Variants in RBFOX1 observed in about 807,000 individuals in gnomAD.
RBFOX1 encodes RNA binding protein fox-1 homolog 1.
RBFOX1 carries 8 observed loss-of-function variants against 57.7 expected under a neutral mutation model. The ratio of observed to expected loss-of-function variants is 0.14; its 90% CI spans 0.08 to 0.25. The LOEUF (loss-of-function observed/expected upper bound fraction) is 0.25, where lower values mean the gene tolerates loss of function less well. RBFOX1 is among the 10% of genes least tolerant of loss of function. RBFOX1 has a pLI of 1.00. For synonymous variants in RBFOX1, 326 were observed against 222.4 expected (o/e 1.47, Z -4.15); for missense variants, 611 against 548.5 (o/e 1.11, Z -1.14).
intron 3 of RBFOX1, among the ~76,000 whole-genome samples, chr16:6,966,805 GTCTGTCTGTCTGTCTA>G (rs2084309159): frequency 3.3e-5 from 5 of 149,906 alleles, no homozygotes; most frequent in African/African-American, 1.2e-4. Context: ...CTGTCTGTCT[GTCTGTCTGTCTGTCTA>G]TCTATCTGTC....
chr16:5,557,952 G>T (rs1043440517), intron 2 of RBFOX1, among the ~76,000 whole-genome samples: 1 of 152,206 alleles, frequency 6.6e-6, no homozygotes, highest in African/African-American at 2.4e-5. Context: ...AAAGAGAGAA[G>T]AGTAAGCATG....
At chr16:5,672,497 G>A (rs2050042009) in intron 3 of RBFOX1, among the ~76,000 whole-genome samples, 4 of 152,110 alleles carry the variant, frequency 2.6e-5, no homozygotes, top group Admixed American at 2.6e-4. Context: ...TTAAGGACAA[G>A]CACACCCCTC....
intron 3 of RBFOX1, among the ~76,000 whole-genome samples, chr16:5,799,142 G>A (rs1779611858): frequency 6.6e-6 from 1 of 152,090 alleles, no homozygotes; most frequent in South Asian, 2.1e-4. Context: ...ATCTTACATG[G>A]CAGCAGACAA....
At chr16:7,568,869 A>AGAGC (rs1232660904) in intron 5 of RBFOX1, among the ~76,000 whole-genome samples, 2 of 127,380 alleles carry the variant, frequency 1.6e-5, no homozygotes. Flanking sequence ...CCTGGGTGAT[A>AGAGC]GAGACTCTGT....
intron 3 of RBFOX1, among the ~76,000 whole-genome samples, chr16:6,783,308 C>T (rs1248738259): frequency 2.0e-5 from 3 of 150,232 alleles, no homozygotes; most frequent in Non-Finnish European, 4.4e-5. Flanking sequence ...TTTGTTAGTT[C>T]TCTCTTCCTT....
intron 2 of RBFOX1, among the ~76,000 whole-genome samples, chr16:6,494,095 C>T (rs886331762): frequency 6.6e-6 from 1 of 152,154 alleles, no homozygotes; most frequent in Non-Finnish European, 1.5e-5. Flanking sequence ...GTAGCATATG[C>T]AGTTGTAAGA....
At chr16:5,244,011 C>T (rs1297132982) in intron 1 of RBFOX1, among the ~76,000 whole-genome samples, 1 of 152,022 alleles carries the variant, frequency 6.6e-6, no homozygotes, top group Non-Finnish European at 1.5e-5. Context: ...ATTCTCCTGC[C>T]TCAGCCTCCG....
At chr16:6,651,263 C>T (rs2098592875) in intron 2 of RBFOX1, among the ~76,000 whole-genome samples, 1 of 152,224 alleles carries the variant, frequency 6.6e-6, no homozygotes, top group African/African-American at 2.4e-5. Flanking sequence ...TCCCTGCCTC[C>T]ATGGAGAGCA....
At chr16:6,256,209 G>A (rs55779658) in intron 1 of RBFOX1, among the ~76,000 whole-genome samples, 80 of 46,112 alleles carry the variant, frequency 1.7e-3, no homozygotes, top group South Asian at 4.0e-3. Flanking sequence ...ATATGTATAT[G>A]TGTATATATA....
rs932988967 is a variant in RBFOX1, at chr16:6,913,158, G to C, written c.-15-138899G>C. On this transcript the variant is annotated intron_variant, in intron 3 of 15. Coordinates refer to ENST00000550418, the MANE Select transcript of RBFOX1 (RefSeq NM_018723.4). The stretch of plus-strand genomic sequence containing the variant: ...AAGACACGTTTTTTTGTTTTGTTTT[G>C]TTTTTTTGTTTTTCCTGTGGGTTAC... 5.3e-5 allele frequency among the ~76,000 whole-genome samples: 8 copies of C among 152,110 alleles called. No individual in the cohort carries two copies. In the East Asian group the frequency reaches 7.7e-4, roughly 15 times the overall value.
At chr16:5,834,819 T>TAGAC (rs71142652) in intron 3 of RBFOX1, among the ~76,000 whole-genome samples, 2,105 of 134,352 alleles carry the variant, frequency 0.016, 23 homozygotes, top group African/African-American at 0.028. Context: ...GATAGATAGA[T>TAGAC]AGACAGACAG....
chr16:6,476,808 C>G (rs564879426), intron 2 of RBFOX1, among the ~76,000 whole-genome samples: 2 of 152,316 alleles, frequency 1.3e-5, no homozygotes, highest in South Asian at 2.1e-4. Context: ...TTTTACCTAA[C>G]GTAGAACTTC....
chr16:6,527,090 A>C (rs2096591284), intron 2 of RBFOX1, among the ~76,000 whole-genome samples: 1 of 152,104 alleles, frequency 6.6e-6, no homozygotes, highest in African/African-American at 2.4e-5. Flanking sequence ...CTTTGTACCC[A>C]TTGCCTTTCT....
chr16:5,417,933 T>C lies in RBFOX1; in HGVS notation c.220-49283T>C, dbSNP rs150968063. Among the ~76,000 whole-genome samples the C allele has an allele frequency of 4.3e-3, 652 of 152,186 alleles. 3 individuals carry two copies. Among genetic ancestry groups the C allele is most frequent in the African/African-American group, 0.013 (536 of 41,532 alleles). ...GCATCTCTACTAAAAATACAAAAAT[T>C]CGCTGGGTGTTGTGGTGTACGCCTG... On this transcript the variant is annotated intron_variant, in intron 1 of 2. Coordinates refer to the RBFOX1 transcript ENST00000585867.
chr16:5,316,844 C>T (rs530137916), intron 1 of RBFOX1, among the ~76,000 whole-genome samples: 6 of 152,172 alleles, frequency 3.9e-5, no homozygotes, highest in Non-Finnish European at 8.8e-5. Context: ...AGGAGATTGG[C>T]AGGTGAGCCG....
At chr16:7,002,489 G>A (rs899844509) in intron 3 of RBFOX1, among the ~76,000 whole-genome samples, 8 of 152,148 alleles carry the variant, frequency 5.3e-5, no homozygotes, top group Non-Finnish European at 1.0e-4. Flanking sequence ...TGAGGCAGGC[G>A]GATCATGAGG....
intron 4 of RBFOX1, among the ~76,000 whole-genome samples, chr16:7,326,672 C>T (rs9932226): frequency 4.3e-4 from 65 of 152,196 alleles, no homozygotes; most frequent in African/African-American, 1.5e-3. Context: ...ACCATCTTAG[C>T]CCTGATGGGA....
At chr16:6,596,885 T>C (rs1342575348) in intron 2 of RBFOX1, among the ~76,000 whole-genome samples, 1 of 152,212 alleles carries the variant, frequency 6.6e-6, no homozygotes, top group African/African-American at 2.4e-5. Flanking sequence ...TAGCTAAAGA[T>C]GTAAATATAC....
Position 7,651,271 on chromosome 16 carries a change from G to A in RBFOX1, c.758-2544G>A, listed in dbSNP as rs187039283. On this transcript the variant is annotated intron_variant, in intron 11 of 15. Transcript: ENST00000550418. ...TTTGGTCTTCACTTTGGTCGGGTTC[G>A]GGGGTTTTATTTGGGCCCTTAAAAT... Among the ~76,000 whole-genome samples the A allele has an allele frequency of 1.4e-4, 22 of 152,176 alleles. No homozygotes were observed. In the East Asian group the frequency reaches 2.7e-3, roughly 19 times the overall value.
Sources: gnomAD v4.1 joint callset for allele counts (sites outside exome capture counted in the v4.1 genomes callset) on GRCh38, gnomAD v4.1.1 for gene constraint, MANE v1.5 for transcripts, NCBI Gene and HGNC (gene_info 2026-07-23, HGNC 2026-07-21) for gene names.